Variants in CADM2 observed in about 807,000 individuals in gnomAD.
The protein encoded by CADM2 is immunoglobulin superfamily member 4D.
Under a neutral mutation model 49.8 loss-of-function variants are expected in CADM2, and 12 were observed. The observed-to-expected ratio is 0.24, with a 90% confidence interval of 0.15 to 0.39. CADM2 has a LOEUF of 0.39. Ranked by LOEUF, CADM2 falls within the 10% of genes least tolerant of loss-of-function variation. The pLI is 1.00. For missense variants in CADM2, 378 were observed against 492.3 expected, an observed-to-expected ratio of 0.77 and a Z score of 2.20; for synonymous variants, 214 against 175.4, an observed-to-expected ratio of 1.22 and a Z score of -1.74.
chr3:85,900,906 G>A (rs1367851676), intron 5 of CADM2, among the ~76,000 whole-genome samples: 1 of 152,132 alleles, frequency 6.6e-6, no homozygotes, highest in Non-Finnish European at 1.5e-5. Context: ...GTGGCACATA[G>A]GAGAAGGTAG....
chr3:85,467,359 C>A (rs1164519491), intron 1 of CADM2, among the ~76,000 whole-genome samples: 1 of 151,878 alleles, frequency 6.6e-6, no homozygotes, highest in Non-Finnish European at 1.5e-5. Context: ...GCAAATAGAT[C>A]AAAAATGCTT....
In CADM2 at chr3:85,043,504, G is replaced by A. The variant is rs183430923; in HGVS notation, c.61+83836G>A. Among the ~76,000 whole-genome samples, 428 of 151,788 alleles carry A rather than the reference G, an allele frequency of 2.8e-3. 1 individual carries two copies. The highest frequency in any genetic ancestry group is 5.8e-3 in the Admixed American group (89 of 15,224). On this transcript the variant is annotated intron_variant, in intron 1 of 9. Transcript: ENST00000383699. ...AGACCAACATGGGCAACTTCGTAAG[G>A]CCCCATCTCTCAAAAAAGTAAAATA...
chr3:85,971,987 A>G (rs954380871), intron 8 of CADM2, among the ~76,000 whole-genome samples: 8 of 151,346 alleles, frequency 5.3e-5, no homozygotes, highest in African/African-American at 1.9e-4. Context: ...AAAGGGATTT[A>G]TTCAAATATA....
At chr3:85,688,106 T>G (rs1348325839) in intron 1 of CADM2, among the ~76,000 whole-genome samples, 1 of 152,124 alleles carries the variant, frequency 6.6e-6, no homozygotes, top group East Asian at 1.9e-4. Flanking sequence ...ATGAAACCAG[T>G]CCTCGGTGCC....
intron 1 of CADM2, among the ~76,000 whole-genome samples, chr3:85,427,377 C>T (rs2036462047): frequency 6.6e-6 from 1 of 151,790 alleles, no homozygotes; most frequent in African/African-American, 2.4e-5. Context: ...GCCCACCATT[C>T]TCCTCTTTGT....
At chr3:85,097,109 A>G (rs1470407439) in intron 1 of CADM2, among the ~76,000 whole-genome samples, 1 of 152,126 alleles carries the variant, frequency 6.6e-6, no homozygotes, top group Non-Finnish European at 1.5e-5. Context: ...TTAACTGGTC[A>G]TTTAGCATTT....
intron 2 of CADM2, among the ~76,000 whole-genome samples, chr3:85,754,747 T>A (rs2107874674): frequency 6.6e-6 from 1 of 152,248 alleles, no homozygotes; most frequent in East Asian, 1.9e-4. Context: ...TCAAATTTCT[T>A]CAATAAAACA....
At chr3:85,482,627 T>C (rs2039260381) in intron 1 of CADM2, among the ~76,000 whole-genome samples, 1 of 151,744 alleles carries the variant, frequency 6.6e-6, no homozygotes, top group Admixed American at 6.6e-5. Flanking sequence ...TTTGATATTT[T>C]AAAAGAAAAT....
intron 2 of CADM2, among the ~76,000 whole-genome samples, chr3:85,771,504 C>A (rs182773164): frequency 6.6e-6 from 1 of 152,032 alleles, no homozygotes; most frequent in African/African-American, 2.4e-5. Flanking sequence ...ATTATTCGTA[C>A]TATACTTAAT....
intron 2 of CADM2, among the ~76,000 whole-genome samples, chr3:85,732,254 C>G (rs74475958): frequency 0.15 from 23,074 of 151,310 alleles, 1,927 homozygotes; most frequent in African/African-American, 0.2. Context: ...GAGGGAGACT[C>G]TGTCTCAAAA....
At chr3:85,241,048 T>C (rs1014222890) in intron 1 of CADM2, among the ~76,000 whole-genome samples, 2 of 151,440 alleles carry the variant, frequency 1.3e-5, no homozygotes, top group Non-Finnish European at 3.0e-5. Context: ...TTTGAGCATA[T>C]AGAAAAGAAA....
chr3:84,990,226 G>A (rs1441323359), intron 1 of CADM2, among the ~76,000 whole-genome samples: 2 of 151,260 alleles, frequency 1.3e-5, no homozygotes, highest in East Asian at 3.9e-4. Flanking sequence ...TATATTATAG[G>A]TACCTCTAAG....
At chr3:85,273,005 T>C (rs2043277207) in intron 1 of CADM2, among the ~76,000 whole-genome samples, 1 of 150,984 alleles carries the variant, frequency 6.6e-6, no homozygotes, top group African/African-American at 2.4e-5. Context: ...TGCCAAGATA[T>C]TGGGAGGTGA....
At chr3:85,127,061 T>C (rs115718043) in intron 1 of CADM2, among the ~76,000 whole-genome samples, 1 of 152,282 alleles carries the variant, frequency 6.6e-6, no homozygotes, top group African/African-American at 2.4e-5. Flanking sequence ...CAATTTTTAG[T>C]AGATCCATGA....
At chr3:85,937,958 T>C (rs11127913) in intron 7 of CADM2, among the ~76,000 whole-genome samples, 47,259 of 151,888 alleles carry the variant, frequency 0.31, 8,585 homozygotes, top group East Asian at 0.42. Flanking sequence ...CAAGTAAATA[T>C]GTATTAACTG....
chr3:85,561,272 AT>A (rs1197057028), intron 1 of CADM2, among the ~76,000 whole-genome samples: 1 of 152,088 alleles, frequency 6.6e-6, no homozygotes, highest in South Asian at 2.1e-4. Flanking sequence ...ATGTTGCTTA[AT>A]TTTTTTAACT....
chr3:85,516,144 T>G (rs561857780), intron 1 of CADM2, among the ~76,000 whole-genome samples: 75 of 152,284 alleles, frequency 4.9e-4, no homozygotes, highest in South Asian at 1.2e-3. Flanking sequence ...GTCTGTGATG[T>G]GAATAATCAA....
chr3:85,734,444 T>A (rs2068049910), intron 2 of CADM2, among the ~76,000 whole-genome samples: 1 of 151,734 alleles, frequency 6.6e-6, no homozygotes. Flanking sequence ...TGGTCTATTT[T>A]GGAGGTACAC....
chr3:85,834,602 A>G (rs953717756), intron 3 of CADM2, among the ~76,000 whole-genome samples: 1 of 151,648 alleles, frequency 6.6e-6, no homozygotes, highest in Admixed American at 6.6e-5. Flanking sequence ...TGTTAGTCCC[A>G]TAATTTATGT....
Sources: gnomAD v4.1 joint callset for allele counts (sites outside exome capture counted in the v4.1 genomes callset) on GRCh38, gnomAD v4.1.1 for gene constraint, MANE v1.5 for transcripts, NCBI Gene and HGNC (gene_info 2026-07-23, HGNC 2026-07-21) for gene names.